TANC1: variants seen among roughly 807,000 people sequenced by gnomAD.
TANC1 encodes protein TANC1.
TANC1 carries 77 observed loss-of-function variants against 149.7 expected under a neutral mutation model. The ratio of observed to expected loss-of-function variants is 0.51; its 90% CI spans 0.43 to 0.62. The LOEUF is 0.62. Ranked by LOEUF, TANC1 falls within the 20% of genes least tolerant of loss-of-function variation. The probability of loss-of-function intolerance (pLI) is 0.00; values close to 1 mark genes in which losing one functional copy is unlikely to be tolerated. For missense variants in TANC1, 1,985 were observed against 2,321.8 expected, an observed-to-expected ratio of 0.85 and a Z score of 2.98; for synonymous variants, 854 against 925.0, an observed-to-expected ratio of 0.92 and a Z score of 1.39.
intron 20 of TANC1, among the ~76,000 whole-genome samples, chr2:159,218,538 C>T (rs1258405121): frequency 6.6e-6 from 1 of 152,180 alleles, no homozygotes; most frequent in East Asian, 1.9e-4. Flanking sequence ...CCTGTTGCTG[C>T]GGCCATGTAA....
chr2:158,969,784 C>T (rs1236246287), intron 1 of TANC1, among the ~76,000 whole-genome samples: 1 of 152,234 alleles, frequency 6.6e-6, no homozygotes, highest in African/African-American at 2.4e-5. Context: ...CGCGGCGCTG[C>T]GGCCAAGGGG....
intron 2 of TANC1, among the ~76,000 whole-genome samples, chr2:159,043,157 G>A (rs552283450): frequency 6.6e-6 from 1 of 152,296 alleles, no homozygotes; most frequent in East Asian, 1.9e-4. Flanking sequence ...ATGTCCATGT[G>A]ATGTCTTTTT....
At chr2:159,196,536 C>G (rs987597569) in intron 17 of TANC1, 72 bp from the exon 18 acceptor site, 12 of 1,359,308 alleles carry the variant, frequency 8.8e-6, no homozygotes, top group African/African-American at 1.4e-5. Context: ...TTGCACACAG[C>G]TAGGTGGTGC....
At chr2:158,982,434 C>G (rs1314692387) in intron 1 of TANC1, among the ~76,000 whole-genome samples, 1 of 152,214 alleles carries the variant, frequency 6.6e-6, no homozygotes, top group Non-Finnish European at 1.5e-5. Flanking sequence ...TGACCTGTTT[C>G]TATGTCTGTA....
intron 19 of TANC1, among the ~76,000 whole-genome samples, chr2:159,206,170 G>A (rs1357389144): frequency 6.6e-6 from 1 of 152,200 alleles, no homozygotes; most frequent in Non-Finnish European, 1.5e-5. Flanking sequence ...GATCCTGAAA[G>A]GAGCAAGATG....
chr2:159,080,950 C>T (rs754516890), intron 3 of TANC1, among the ~76,000 whole-genome samples: 4 of 152,150 alleles, frequency 2.6e-5, no homozygotes, highest in Non-Finnish European at 5.9e-5. Flanking sequence ...CTTATGGTGC[C>T]AAGGTGGCAA....
At chr2:159,201,088 T>C (rs1426984990) in intron 19 of TANC1, among the ~76,000 whole-genome samples, 1 of 152,106 alleles carries the variant, frequency 6.6e-6, no homozygotes, top group Non-Finnish European at 1.5e-5. Flanking sequence ...TTCTGTGGAC[T>C]GCATGTCAAC....
intron 3 of TANC1, among the ~76,000 whole-genome samples, chr2:159,078,053 A>G (rs757735909): frequency 5.3e-5 from 8 of 152,156 alleles, no homozygotes; most frequent in Non-Finnish European, 8.8e-5. Flanking sequence ...ACATTTTTAT[A>G]TGTTTATGGG....
intron 2 of TANC1, among the ~76,000 whole-genome samples, chr2:159,045,174 A>G (rs1040562876): frequency 1.4e-4 from 21 of 152,198 alleles, no homozygotes; most frequent in Admixed American, 1.2e-3. Context: ...ATAGCCACAT[A>G]TGGGCCGGGC....
Position 159,180,719 on chromosome 2 carries a change from A to T in TANC1, c.2510+1556A>T, listed in dbSNP as rs185243074. On this transcript the variant is annotated intron_variant, in intron 14 of 26. Coordinates refer to ENST00000263635, the MANE Select transcript of TANC1 (RefSeq NM_033394.3). ...ATTTGAGCTTCATTCAATTGAGAGG[A>T]TATAGAACAATGTTGGAAGGAAGCT... Among the ~76,000 whole-genome samples the T allele has an allele frequency of 1.8e-3, 275 of 152,352 alleles. 8 individuals carry two copies. The highest frequency in any genetic ancestry group is 0.018 in the Admixed American group (273 of 15,298).
At position 159,175,000 on chromosome 2, in the gene TANC1, G is replaced by C. The variant is rs568126234; in HGVS notation, c.1551G>C (p.Leu517=). Reference sequence around the variant, plus strand: ...AGGCTGACAACACGTACACTTGCCTGGTGCCCGAGTTTGTGCACAGCATCG... The same window carrying C: ...AGGCTGACAACACGTACACTTGCCTCGTGCCCGAGTTTGTGCACAGCATCG... ...YCQADNTYTC[L]VPEFVHSIAA... The change falls in exon 12 of 27, where the codon CTG becomes CTC. Residue 517 remains leucine, a synonymous_variant. Transcript: ENST00000263635. 3 of 1,614,152 alleles carry C rather than the reference G, an allele frequency of 1.9e-6. No homozygotes were observed. The South Asian group carries it at 3.3e-5, about 18-fold the overall frequency.
intron 4 of TANC1, among the ~76,000 whole-genome samples, chr2:159,128,841 C>A (rs921438230): frequency 1.3e-5 from 2 of 152,168 alleles, no homozygotes; most frequent in African/African-American, 4.8e-5. Flanking sequence ...TGTCTTGCTC[C>A]TTAAAATCCA....
rs1398574636 is a variant in TANC1, at chr2:159,229,746, G to A, written c.4320G>A (p.Glu1440=). ...TACCAGCTCCACTCAACGACTCCGA[G>A]AACGAAGAGGACACCCCAACCCCTG... is the stretch of plus-strand genomic sequence containing the variant. ...GPLPAPLNDS[E]NEEDTPTPGL... is the part of the protein sequence containing the mutation. The change falls in exon 27 of 27, where the codon GAG becomes GAA. Residue 1440 remains glutamate, a synonymous_variant. Coordinates refer to ENST00000263635, the MANE Select transcript of TANC1 (RefSeq NM_033394.3). The A allele has an allele frequency of 1.2e-6, 2 of 1,614,032 alleles. No homozygotes were observed. Among genetic ancestry groups the A allele is most frequent in the South Asian group, 2.2e-5 (2 of 91,064 alleles).
At chr2:159,059,939 T>TGTGTGTGTG (rs2042120901) in intron 2 of TANC1, among the ~76,000 whole-genome samples, 1 of 139,954 alleles carries the variant, frequency 7.1e-6, no homozygotes, top group Non-Finnish European at 1.6e-5. Context: ...TGGTTTTTTG[T>TGTGTGTGTG]TGTTGTTGTT....
intron 13 of TANC1, among the ~76,000 whole-genome samples, 153 bp from the exon 14 acceptor site, chr2:159,178,403 A>G (rs2056109229): frequency 6.6e-6 from 1 of 152,194 alleles, no homozygotes; most frequent in African/African-American, 2.4e-5. Flanking sequence ...TCTTCACCTT[A>G]TCCTATTACA....
chr2:159,150,724 G>A, intron 7 of TANC1, 168 bp downstream of exon 7: 1 of 572,264 alleles, frequency 1.7e-6, no homozygotes, highest in Non-Finnish European at 3.1e-6. Context: ...AGAGAGTGGA[G>A]CATTGGCTTT....
chr2:159,206,865 A>G (rs2058641472), intron 19 of TANC1, among the ~76,000 whole-genome samples: 1 of 152,150 alleles, frequency 6.6e-6, no homozygotes, highest in African/African-American at 2.4e-5. Context: ...AGAGAACCTT[A>G]TGCCTGCTTT....
intron 4 of TANC1, among the ~76,000 whole-genome samples, chr2:159,099,260 A>G (rs192528670): frequency 7.7e-4 from 117 of 152,274 alleles, no homozygotes; most frequent in Non-Finnish European, 1.5e-3. Flanking sequence ...TGACCTGTTT[A>G]TCAGTATTTG....
chr2:159,175,274 G>C (rs1297009172), intron 12 of TANC1, 90 bp downstream of exon 12: 1 of 1,030,360 alleles, frequency 9.7e-7, no homozygotes, highest in African/African-American at 1.6e-5. Context: ...AGCCGGGCTG[G>C]GGTAGAAGTG....
Sources: allele counts gnomAD v4.1 joint callset (sites outside exome capture counted in the v4.1 genomes callset), GRCh38; gene constraint gnomAD v4.1.1; transcripts MANE v1.5; gene names NCBI Gene and HGNC (gene_info 2026-07-23, HGNC 2026-07-21).